The following XPO7 variants were observed in gnomAD, a reference collection of about 807,000 sequenced individuals.
XPO7 encodes the protein exportin 7.
In XPO7, 21 loss-of-function variants were observed where a neutral mutation model predicts 144.3. The observed-to-expected ratio is 0.15, with a 90% CI of 0.10 to 0.21. XPO7 has a LOEUF of 0.21. Ranked by LOEUF, XPO7 falls within the 10% of genes least tolerant of loss-of-function variation. XPO7 has a pLI of 1.00. For synonymous variants in XPO7, 580 were observed against 499.6 expected, an observed-to-expected ratio of 1.16 and a Z score of -2.15; for missense variants, 808 against 1,325.8, an observed-to-expected ratio of 0.61 and a Z score of 6.06.
chr8:21,966,506 T>C (rs555648072), intron 1 of XPO7, among the ~76,000 whole-genome samples: 1 of 152,360 alleles, frequency 6.6e-6, no homozygotes, highest in Admixed American at 6.5e-5. Context: ...TTCACACTTT[T>C]TACATTAATA....
intron 22 of XPO7, 50 bp from the exon 23 acceptor site, chr8:21,999,041 A>C (rs375149050): frequency 6.2e-7 from 1 of 1,604,776 alleles, no homozygotes; most frequent in African/African-American, 1.3e-5. Flanking sequence ...GCTGATCTAA[A>C]CGAGCGCTTC....
intron 1 of XPO7, among the ~76,000 whole-genome samples, chr8:21,921,018 A>T (rs1217908620): frequency 6.6e-6 from 1 of 152,200 alleles, no homozygotes; most frequent in East Asian, 1.9e-4. Context: ...AGTGTGCGGG[A>T]CAAGTTGTCA....
Position 21,970,236 on chromosome 8 carries a change from C to T in XPO7, c.352C>T (p.Leu118=). 6.2e-7 allele frequency: 1 copy of T among 1,613,764 alleles called. No individual in the cohort carries two copies. The highest frequency in any genetic ancestry group is 8.5e-7 in the Non-Finnish European group (1 of 1,179,802). Reference sequence around the variant, plus strand: ...TCAGTTATATGCCAGAATCACAAAACTGGGCTGGTTTGACTGTCAGAAGGA... The same window carrying T: ...TCAGTTATATGCCAGAATCACAAAATTGGGCTGGTTTGACTGTCAGAAGGA... The part of the protein sequence containing the change: ...LIQLYARITK[L]GWFDCQKDDY... The change falls in exon 4 of 28, where the codon CTG becomes TTG. Residue 118 remains leucine, a synonymous_variant. Transcript: ENST00000252512.
chr8:21,950,629 G>A (rs891422497), intron 1 of XPO7, among the ~76,000 whole-genome samples: 6 of 152,100 alleles, frequency 3.9e-5, no homozygotes, highest in African/African-American at 1.4e-4. Flanking sequence ...TCAAATTGAT[G>A]TATCTTGCAA....
intron 1 of XPO7, among the ~76,000 whole-genome samples, chr8:21,964,946 A>G (rs1355165315): frequency 6.6e-6 from 1 of 152,196 alleles, no homozygotes; most frequent in Non-Finnish European, 1.5e-5. Flanking sequence ...CCATTATACC[A>G]TAAGCATCAG....
chr8:21,932,604 T>C (rs903239670), intron 1 of XPO7, among the ~76,000 whole-genome samples: 2 of 152,156 alleles, frequency 1.3e-5, no homozygotes, highest in African/African-American at 2.4e-5. Context: ...CGAAAAGGGA[T>C]AAGGAGGGCC....
At chr8:21,936,371 A>G (rs1287352848) in intron 1 of XPO7, among the ~76,000 whole-genome samples, 1 of 152,214 alleles carries the variant, frequency 6.6e-6, no homozygotes, top group African/African-American at 2.4e-5. Context: ...TGAATCTCAT[A>G]GTCTGCAGTC....
chr8:21,943,694 C>A (rs1341522701), intron 1 of XPO7, among the ~76,000 whole-genome samples: 1 of 152,090 alleles, frequency 6.6e-6, no homozygotes, highest in Admixed American at 6.6e-5. Flanking sequence ...TGTTTTCTCA[C>A]CCAAATATCT....
At chr8:21,952,270 A>G (rs1388462334) in intron 1 of XPO7, among the ~76,000 whole-genome samples, 1 of 152,166 alleles carries the variant, frequency 6.6e-6, no homozygotes, top group Non-Finnish European at 1.5e-5. Flanking sequence ...CAAATCTACA[A>G]TTTAGTATCA....
intron 1 of XPO7, among the ~76,000 whole-genome samples, chr8:21,946,624 A>C (rs1585430128): frequency 6.7e-6 from 1 of 148,410 alleles, no homozygotes; most frequent in Non-Finnish European, 1.5e-5. Flanking sequence ...AAGAAGTTCC[A>C]CATATGCAAA....
At chr8:21,982,001 A>G (rs1252761234) in intron 10 of XPO7, 124 bp downstream of exon 10, 14 of 1,266,710 alleles carry the variant, frequency 1.1e-5, no homozygotes, top group East Asian at 9.4e-5. Flanking sequence ...GTATAGCCCT[A>G]CAGAGTAGTT....
intron 11 of XPO7, among the ~76,000 whole-genome samples, chr8:21,983,468 G>A (rs1383280146): frequency 6.6e-6 from 1 of 152,206 alleles, no homozygotes; most frequent in African/African-American, 2.4e-5. Flanking sequence ...GCCTTTTTAA[G>A]TTGGATTCTT....
chr8:22,005,191 TC>T lies in XPO7; in HGVS notation c.*105del. 1 of 976,316 alleles carries T rather than the reference TC, an allele frequency of 1.0e-6. No individual in the cohort carries two copies. The allele number at this position is 976,316 out of a possible 1,614,324, so 60.5% of individuals were successfully genotyped here. A position where few individuals can be genotyped will look rare whatever the true frequency, so the allele number is the denominator to read the frequency against. ...GGCCTGGCTGATCCTGGCTCTTTTC[TC>T]CAGGGGTGTGGGGAAAATGGCAAAG... On this transcript the variant is annotated 3_prime_UTR_variant, in exon 28 of 28. Transcript: ENST00000252512.
intron 11 of XPO7, among the ~76,000 whole-genome samples, chr8:21,983,361 T>C (rs1241296504): frequency 6.6e-6 from 1 of 152,232 alleles, no homozygotes; most frequent in Non-Finnish European, 1.5e-5. Flanking sequence ...TTTCAAAAAT[T>C]ACCTATATTA....
chr8:21,974,056 G>C (rs1261488571), intron 5 of XPO7, among the ~76,000 whole-genome samples: 1 of 146,344 alleles, frequency 6.8e-6, no homozygotes, highest in Non-Finnish European at 1.5e-5. Context: ...TGAAATCAAA[G>C]AGTTGTTACT....
At chr8:21,961,750 C>T (rs573199558) in intron 1 of XPO7, among the ~76,000 whole-genome samples, 8 of 152,276 alleles carry the variant, frequency 5.3e-5, no homozygotes, top group Admixed American at 2.0e-4. Flanking sequence ...GCAACCTCTA[C>T]CTCCTGGGTT....
intron 1 of XPO7, among the ~76,000 whole-genome samples, chr8:21,927,226 A>T (rs1810486007): frequency 1.6e-5 from 1 of 62,740 alleles, no homozygotes; most frequent in African/African-American, 4.6e-5. Flanking sequence ...AAGTCTTTTA[A>T]AAAAAATTAA....
chr8:21,998,638 A>G (rs1353272992), intron 21 of XPO7, 117 bp from the exon 22 acceptor site: 2 of 748,254 alleles, frequency 2.7e-6, no homozygotes, highest in Admixed American at 2.7e-5. Flanking sequence ...AGGATAGGCA[A>G]TTGCTTACCT....
chr8:21,919,855 G>T, intron 1 of XPO7, 67 bp downstream of exon 1: 2 of 316,302 alleles, frequency 6.3e-6, no homozygotes, highest in Middle Eastern at 1.0e-3. Flanking sequence ...GGGTGCACAC[G>T]GCCCACAGGG....
Sources: gnomAD v4.1 joint callset for allele counts (sites outside exome capture counted in the v4.1 genomes callset) on GRCh38, gnomAD v4.1.1 for gene constraint, MANE v1.5 for transcripts, NCBI Gene and HGNC (gene_info 2026-07-23, HGNC 2026-07-21) for gene names.